CNTN1: variants seen among roughly 807,000 people sequenced by gnomAD.
CNTN1 encodes the protein contactin-1.
In CNTN1, 38 loss-of-function variants were observed where a neutral mutation model predicts 126.4. The ratio of observed to expected loss-of-function variants is 0.30; its 90% confidence interval spans 0.23 to 0.39. The LOEUF is 0.39. CNTN1 is among the 10% of genes least tolerant of loss of function. The probability of loss-of-function intolerance (pLI) is 1.00; values close to 1 mark genes in which losing one functional copy is unlikely to be tolerated. For missense variants in CNTN1, 1,009 were observed against 1,248.4 expected (o/e 0.81, Z 2.89); for synonymous variants, 413 against 422.6 (o/e 0.98, Z 0.28).
intron 23 of CNTN1, among the ~76,000 whole-genome samples, chr12:41,058,985 A>C (rs1479850639): frequency 6.6e-6 from 1 of 152,182 alleles, no homozygotes; most frequent in Non-Finnish European, 1.5e-5. Flanking sequence ...TCTTATAAGA[A>C]CTTCATGTGC....
chr12:40,901,317 T>C (rs10879339), intron 1 of CNTN1, among the ~76,000 whole-genome samples: 65,321 of 151,748 alleles, frequency 0.43, 14,781 homozygotes, highest in African/African-American at 0.58. Flanking sequence ...AAAATTAGCA[T>C]ATTTTTAATA....
chr12:40,887,849 T>G (rs61653748), intron 1 of CNTN1, among the ~76,000 whole-genome samples: 29,552 of 151,718 alleles, frequency 0.19, 5,031 homozygotes, highest in African/African-American at 0.47. Flanking sequence ...AAATGATGAG[T>G]TCATGTCCTT....
At chr12:40,866,098 A>C (rs943925384) in intron 1 of CNTN1, among the ~76,000 whole-genome samples, 1 of 145,690 alleles carries the variant, frequency 6.9e-6, no homozygotes, top group Admixed American at 7.1e-5. Flanking sequence ...AATTATTTTT[A>C]AATTGTATTT....
chr12:41,000,796 T>C (rs889184972), intron 17 of CNTN1, among the ~76,000 whole-genome samples: 5 of 152,156 alleles, frequency 3.3e-5, no homozygotes, highest in Non-Finnish European at 7.4e-5. Context: ...CCTCTACTCT[T>C]CAATATGCCC....
At chr12:40,938,005 T>C (rs936802751) in intron 11 of CNTN1, among the ~76,000 whole-genome samples, 1 of 152,136 alleles carries the variant, frequency 6.6e-6, no homozygotes, top group African/African-American at 2.4e-5. Flanking sequence ...ACCCAGATGA[T>C]TTTAATACAA....
intron 16 of CNTN1, among the ~76,000 whole-genome samples, chr12:40,984,400 A>G (rs1018499784): frequency 6.6e-6 from 1 of 152,154 alleles, no homozygotes; most frequent in African/African-American, 2.4e-5. Context: ...TCTGCAGGAT[A>G]TACAAGAATC....
At chr12:40,902,092 A>G (rs1255957615) in intron 1 of CNTN1, among the ~76,000 whole-genome samples, 1 of 152,232 alleles carries the variant, frequency 6.6e-6, no homozygotes, top group Non-Finnish European at 1.5e-5. Flanking sequence ...TTAAAGGGGT[A>G]GCAATTTTAA....
chr12:41,029,945 C>T (rs981595692), intron 23 of CNTN1, among the ~76,000 whole-genome samples: 2 of 151,530 alleles, frequency 1.3e-5, no homozygotes, highest in African/African-American at 2.4e-5. Flanking sequence ...TAATTTTTGA[C>T]ATATTTTTCT....
In CNTN1 at chr12:40,773,658, CATATATATATAT is replaced by C. The variant is rs1255206640; in HGVS notation, c.-77+81070_-77+81081del. ...GTATATATATATATATATATATACA[CATATATATATAT>C]ATACACATATATATATATATATACA... On this transcript the variant is annotated intron_variant, in intron 1 of 23. Transcript: ENST00000551295. Among the ~76,000 whole-genome samples the C allele has an allele frequency of 8.4e-4, 7 of 8,292 alleles. 1 individual carries two copies. Among genetic ancestry groups the C allele is most frequent in the African/African-American group, 1.5e-3 (7 of 4,768 alleles). The allele number at this position is 8,292 out of a possible 152,430, so 5.4% of individuals were successfully genotyped here.
intron 1 of CNTN1, among the ~76,000 whole-genome samples, chr12:40,872,893 C>T (rs1170919081): frequency 1.3e-5 from 2 of 152,068 alleles, no homozygotes; most frequent in Admixed American, 1.3e-4. Flanking sequence ...TTTCTTGTTG[C>T]ATATTTACAG....
chr12:40,971,484 G>A (rs191853102), intron 15 of CNTN1: 237 of 1,596,530 alleles, frequency 1.5e-4, no homozygotes, highest in Admixed American at 1.2e-3. Flanking sequence ...CTTTCTCCCC[G>A]TCTGTGCAAG....
intron 16 of CNTN1, among the ~76,000 whole-genome samples, chr12:40,990,437 A>G (rs1948072207): frequency 1.3e-5 from 2 of 151,748 alleles, no homozygotes; most frequent in South Asian, 4.2e-4. Context: ...TGAGGTCATG[A>G]CTCTGAGTCT....
intron 1 of CNTN1, among the ~76,000 whole-genome samples, chr12:40,727,743 A>G (rs1272840429): frequency 6.6e-6 from 1 of 152,244 alleles, no homozygotes; most frequent in African/African-American, 2.4e-5. Flanking sequence ...AAATACATAT[A>G]GGATATTTAT....
chr12:40,821,014 T>A (rs1941425875), intron 1 of CNTN1, among the ~76,000 whole-genome samples: 1 of 152,210 alleles, frequency 6.6e-6, no homozygotes, highest in South Asian at 2.1e-4. Context: ...CCACATTAAA[T>A]CTTCCTAAAG....
At chr12:40,835,324 T>C (rs2136563555) in intron 1 of CNTN1, among the ~76,000 whole-genome samples, 1 of 152,296 alleles carries the variant, frequency 6.6e-6, no homozygotes, top group Middle Eastern at 3.4e-3. Context: ...TATGGGTTGA[T>C]AGAAAGTACC....
At chr12:40,888,012 T>G (rs1592208540) in intron 1 of CNTN1, among the ~76,000 whole-genome samples, 1 of 87,254 alleles carries the variant, frequency 1.1e-5, no homozygotes, top group Non-Finnish European at 2.1e-5. Context: ...TGGGGACTGT[T>G]GTGGGGTGGG....
intron 1 of CNTN1, among the ~76,000 whole-genome samples, chr12:40,894,308 G>A (rs1944333127): frequency 6.6e-6 from 1 of 152,264 alleles, no homozygotes; most frequent in East Asian, 1.9e-4. Context: ...TGAAAGATAA[G>A]CTCTATTGTA....
At chr12:40,789,069 G>C (rs1480652018) in intron 1 of CNTN1, among the ~76,000 whole-genome samples, 5 of 152,014 alleles carry the variant, frequency 3.3e-5, no homozygotes, top group African/African-American at 1.2e-4. Flanking sequence ...ATAATTCCTT[G>C]CAGTTACATA....
At chr12:41,030,035 A>T (rs1401403181) in intron 23 of CNTN1, among the ~76,000 whole-genome samples, 1 of 152,064 alleles carries the variant, frequency 6.6e-6, no homozygotes, top group Non-Finnish European at 1.5e-5. Flanking sequence ...AGGCTTTGAC[A>T]TTACCAGAAG....
Sources: gnomAD v4.1 joint callset for allele counts (sites outside exome capture counted in the v4.1 genomes callset) on GRCh38, gnomAD v4.1.1 for gene constraint, MANE v1.5 for transcripts, NCBI Gene and HGNC (gene_info 2026-07-23, HGNC 2026-07-21) for gene names.